KSR2: variants seen among roughly 807,000 people sequenced by gnomAD.
The protein encoded by KSR2 is kinase suppressor of ras 2.
A neutral mutation model predicts 107.8 loss-of-function variants in KSR2; 25 were observed. That is an observed-to-expected ratio of 0.23 (90% CI 0.17 to 0.32). KSR2 has a LOEUF of 0.32. KSR2 is among the 10% of genes least tolerant of loss of function. The pLI is 1.00. For missense variants in KSR2, 887 were observed against 1,268.9 expected (o/e 0.70, Z 4.57); for synonymous variants, 480 against 507.0 (o/e 0.95, Z 0.71).
chr12:117,673,839 T>A (rs756486964), intron 4 of KSR2, among the ~76,000 whole-genome samples: 1 of 152,218 alleles, frequency 6.6e-6, no homozygotes, highest in Non-Finnish European at 1.5e-5. Flanking sequence ...CACAGATGTC[T>A]CATCTGGAAA....
intron 5 of KSR2, among the ~76,000 whole-genome samples, chr12:117,587,844 G>A (rs1880100616): frequency 6.6e-6 from 1 of 152,212 alleles, no homozygotes; most frequent in African/African-American, 2.4e-5. Flanking sequence ...GCTGTGCTGG[G>A]CAGTATGCAT....
chr12:117,592,142 G>A lies in KSR2; in HGVS notation c.1172-9783C>T, dbSNP rs138949724. Among the ~76,000 whole-genome samples, 530 of 148,608 alleles carry A rather than the reference G, an allele frequency of 3.6e-3. 3 individuals are homozygous for A. Among genetic ancestry groups the A allele is most frequent in the African/African-American group, 0.012 (471 of 40,342 alleles). Reference sequence around the variant, plus strand: ...CCAACTTTTTTTTTTTTTTTAGATGGAGTCTCACTCACCCAGGCTGGAGCG... The same window carrying A: ...CCAACTTTTTTTTTTTTTTTAGATGAAGTCTCACTCACCCAGGCTGGAGCG... On this transcript the variant is annotated intron_variant, in intron 5 of 19. Transcript: ENST00000339824.
chr12:117,565,104 A>C (rs1013297283), intron 7 of KSR2, among the ~76,000 whole-genome samples: 1 of 152,194 alleles, frequency 6.6e-6, no homozygotes, highest in Admixed American at 6.5e-5. Flanking sequence ...CCCCCTGTGA[A>C]GCAGTCATAA....
At chr12:117,903,498 T>C (rs557483347) in intron 1 of KSR2, among the ~76,000 whole-genome samples, 63 of 152,338 alleles carry the variant, frequency 4.1e-4, no homozygotes, top group African/African-American at 1.3e-3. Flanking sequence ...GTGTTCATTG[T>C]TTATCTGAAA....
intron 5 of KSR2, among the ~76,000 whole-genome samples, chr12:117,647,344 A>G (rs145710208): frequency 3.1e-4 from 47 of 152,270 alleles, no homozygotes; most frequent in African/African-American, 8.9e-4. Context: ...TTTCACTTTT[A>G]TCCCCGGCCA....
intron 14 of KSR2, among the ~76,000 whole-genome samples, chr12:117,493,222 C>A (rs1093303): frequency 0.44 from 66,081 of 151,892 alleles, 15,487 homozygotes; most frequent in East Asian, 0.71. Context: ...TCCTGAATGA[C>A]GACAACTGTT....
chr12:117,818,797 A>G (rs1189408637), intron 3 of KSR2, among the ~76,000 whole-genome samples: 1 of 152,158 alleles, frequency 6.6e-6, no homozygotes, highest in Admixed American at 6.5e-5. Flanking sequence ...AGGTGCAAGG[A>G]TGACAAAAGA....
chr12:117,521,102 A>G (rs1355601156), intron 14 of KSR2, among the ~76,000 whole-genome samples: 4 of 152,012 alleles, frequency 2.6e-5, no homozygotes, highest in African/African-American at 4.8e-5. Flanking sequence ...CTTGCTCCTG[A>G]CAGCTTCTCT....
chr12:117,885,390 G>C (rs1894145273), intron 1 of KSR2, among the ~76,000 whole-genome samples: 1 of 152,166 alleles, frequency 6.6e-6, no homozygotes, highest in African/African-American at 2.4e-5. Context: ...AACTGACACA[G>C]AGAGGCTAGG....
chr12:117,718,764 C>T (rs1415902611), intron 4 of KSR2, among the ~76,000 whole-genome samples: 1 of 152,218 alleles, frequency 6.6e-6, no homozygotes, highest in African/African-American at 2.4e-5. Context: ...TTTTTAGCCT[C>T]TTCGGCATAG....
chr12:117,469,158 C>A (rs988295261), intron 19 of KSR2, among the ~76,000 whole-genome samples: 1 of 152,078 alleles, frequency 6.6e-6, no homozygotes, highest in African/African-American at 2.4e-5. Context: ...TGGTCTGGAG[C>A]CTCTTATGAG....
At position 117,894,481 on chromosome 12, in the gene KSR2, A is replaced by G. The variant is rs993042376; in HGVS notation, c.181-34050T>C. Among the ~76,000 whole-genome samples, 4 of 152,302 alleles carry G rather than the reference A, an allele frequency of 2.6e-5. No homozygotes were observed. In the South Asian group the frequency reaches 8.3e-4, roughly 32 times the overall value. The stretch of plus-strand genomic sequence containing the variant: ...GGAGTTCCTGGCCAGCCTGGGCAAC[A>G]CAGAGAGATCTCATCCCTAAAAAAA... On this transcript the variant is annotated intron_variant, in intron 1 of 19. Coordinates refer to ENST00000339824, the MANE Select transcript of KSR2 (RefSeq NM_173598.6).
At chr12:117,827,284 C>T (rs2137100456) in intron 3 of KSR2, among the ~76,000 whole-genome samples, 1 of 152,270 alleles carries the variant, frequency 6.6e-6, no homozygotes, top group East Asian at 1.9e-4. Context: ...CAGCCAGATC[C>T]CCTTTGCAGC....
At chr12:117,939,355 T>G (rs1467693071) in intron 1 of KSR2, among the ~76,000 whole-genome samples, 1 of 152,176 alleles carries the variant, frequency 6.6e-6, no homozygotes. Flanking sequence ...TGACCATGAC[T>G]TGATCATTGG....
intron 14 of KSR2, among the ~76,000 whole-genome samples, chr12:117,514,678 C>T (rs982637069): frequency 1.3e-5 from 2 of 151,706 alleles, no homozygotes; most frequent in Admixed American, 6.6e-5. Context: ...CCTCCCAACT[C>T]GCTGGGACTA....
rs371291117 is a variant in KSR2, at chr12:117,855,584, G to T, written c.322-6C>A. The T allele has an allele frequency of 2.6e-5, 42 of 1,613,884 alleles. No homozygotes were observed. The African/African-American group carries it at 5.5e-4, about 21-fold the overall frequency. ...AGCTGGCCGGGGGAGATTTCCTAGA[G>T]GAGGGGAGAAGGATTGTCAACCGTG... is the stretch of plus-strand genomic sequence containing the variant. On this transcript the variant is annotated splice_polypyrimidine_tract_variant and splice_region_variant and intron_variant, in intron 2 of 19. Coordinates refer to ENST00000339824, the MANE Select transcript of KSR2 (RefSeq NM_173598.6).
At chr12:117,849,695 A>T (rs1164607169) in intron 3 of KSR2, among the ~76,000 whole-genome samples, 2 of 152,212 alleles carry the variant, frequency 1.3e-5, no homozygotes, top group African/African-American at 4.8e-5. Context: ...CCATCCTCTG[A>T]GAAAGAAAGA....
intron 3 of KSR2, among the ~76,000 whole-genome samples, chr12:117,850,220 A>T (rs1415215657): frequency 2.0e-5 from 3 of 152,198 alleles, no homozygotes; most frequent in Non-Finnish European, 2.9e-5. Context: ...GGAGGGGCTC[A>T]GCGGTGTAGA....
At chr12:117,694,545 G>A (rs1287347073) in intron 4 of KSR2, among the ~76,000 whole-genome samples, 6 of 152,122 alleles carry the variant, frequency 3.9e-5, no homozygotes, top group Admixed American at 3.9e-4. Context: ...ATATGATCCA[G>A]CCATCCCACT....
Sources: allele counts gnomAD v4.1 joint callset (sites outside exome capture counted in the v4.1 genomes callset), GRCh38; gene constraint gnomAD v4.1.1; transcripts MANE v1.5; gene names NCBI Gene and HGNC (gene_info 2026-07-23, HGNC 2026-07-21).